EDRF1: variants seen among roughly 807,000 people sequenced by gnomAD.
The protein encoded by EDRF1 is erythroid differentiation regulatory factor 1.
Under a neutral mutation model 148.7 loss-of-function variants are expected in EDRF1, and 69 were observed. The ratio of observed to expected loss-of-function variants is 0.46; its 90% CI spans 0.38 to 0.57. The LOEUF (loss-of-function observed/expected upper bound fraction) is 0.57, where lower values mean the gene tolerates loss of function less well. Ranked by LOEUF, EDRF1 falls within the 20% of genes least tolerant of loss-of-function variation. The pLI is 0.00. For missense variants in EDRF1, 1,118 were observed against 1,478.7 expected, an observed-to-expected ratio of 0.76 and a Z score of 4.00; for synonymous variants, 515 against 532.8, an observed-to-expected ratio of 0.97 and a Z score of 0.46.
At chr10:125,720,800 G>C (rs1267833153) in intron 1 of EDRF1, among the ~76,000 whole-genome samples, 1 of 112,976 alleles carries the variant, frequency 8.9e-6, no homozygotes, top group African/African-American at 3.4e-5. Context: ...GACAAAGCAA[G>C]ACTGCGTCTC....
chr10:125,754,806 A>G (rs943633), intron 24 of EDRF1, among the ~76,000 whole-genome samples: 2 of 152,312 alleles, frequency 1.3e-5, no homozygotes, highest in African/African-American at 2.4e-5. Flanking sequence ...GGAAATGACA[A>G]CCATTTATCC....
At chr10:125,734,448 A>C (rs1190844156) in intron 12 of EDRF1, among the ~76,000 whole-genome samples, 2 of 152,196 alleles carry the variant, frequency 1.3e-5, no homozygotes, top group African/African-American at 4.8e-5. Flanking sequence ...ATTGGATTAA[A>C]TATATTTAAG....
chr10:125,725,673 T>G lies in EDRF1; in HGVS notation c.636-9T>G, dbSNP rs1470626928. ...AACAGCAATCCTTTTTTATTTCTGG[T>G]TTGGCCAGTATCAATGGTGATGGAG... On this transcript the variant is annotated splice_polypyrimidine_tract_variant and intron_variant, in intron 5 of 24. Coordinates refer to ENST00000356792, the MANE Select transcript of EDRF1 (RefSeq NM_001202438.2). 3 of 1,614,048 alleles carry G rather than the reference T, an allele frequency of 1.9e-6. No individual in the cohort carries two copies. Among genetic ancestry groups the G allele is most frequent in the Non-Finnish European group, 2.5e-6 (3 of 1,179,990 alleles).
chr10:125,730,990 G>A (rs538021137), intron 9 of EDRF1, among the ~76,000 whole-genome samples: 26 of 152,000 alleles, frequency 1.7e-4, no homozygotes, highest in African/African-American at 6.3e-4. Flanking sequence ...GAAAAACAAC[G>A]CACACACTTA....
intron 13 of EDRF1, among the ~76,000 whole-genome samples, chr10:125,736,702 T>A (rs1164825347): frequency 6.6e-6 from 1 of 151,702 alleles, no homozygotes; most frequent in Non-Finnish European, 1.5e-5. Context: ...CCATGCTGGG[T>A]TTTTTTTCTC....
Position 125,735,761 on chromosome 10 carries a change from G to A in EDRF1, c.1615G>A (p.Glu539Lys), listed in dbSNP as rs1481083081. Residue 539 changes from glutamate (E) to lysine (K), a missense_variant, in exon 13 of 25, where the codon GAG becomes AAG. Physicochemically the swap from Glu to Lys is moderately conservative, Grantham distance 56 (BLOSUM62 1). Coordinates refer to ENST00000356792, the MANE Select transcript of EDRF1 (RefSeq NM_001202438.2). ...ENSDESYSEE[E>K]EEMPDSDENG... ...TTCTGATGAAAGTTATAGTGAAGAG[G>A]AGGAAGAGATGCCCGACAGTGATGA... The A allele has an allele frequency of 6.2e-7, 1 of 1,613,850 alleles. No individual in the cohort carries two copies. Among genetic ancestry groups the A allele is most frequent in the Non-Finnish European group, 8.5e-7 (1 of 1,179,818 alleles).
intron 24 of EDRF1, among the ~76,000 whole-genome samples, chr10:125,757,677 C>T (rs771602118): frequency 5.3e-5 from 8 of 152,124 alleles, no homozygotes; most frequent in South Asian, 2.1e-4. Context: ...TTTTTTCAGT[C>T]TTGGAAGATC....
chr10:125,759,946 A>G (rs1850113291), intron 24 of EDRF1, among the ~76,000 whole-genome samples: 3 of 152,122 alleles, frequency 2.0e-5, no homozygotes, highest in South Asian at 4.1e-4. Flanking sequence ...TTCTGACCTC[A>G]TGATCCACCT....
chr10:125,744,122 C>T (rs1242450342), intron 18 of EDRF1, among the ~76,000 whole-genome samples: 1 of 151,934 alleles, frequency 6.6e-6, no homozygotes. Flanking sequence ...AATGTAAAGC[C>T]TGGACACAGG....
At chr10:125,745,612 G>A in intron 18 of EDRF1, 95 bp from the exon 19 acceptor site, 1 of 1,319,866 alleles carries the variant, frequency 7.6e-7, no homozygotes, top group East Asian at 2.4e-5. Flanking sequence ...CCACACTCCT[G>A]TCACTGCCAT....
rs754989284 is a variant in EDRF1 at position 125,730,387 on chromosome 10, T to C, written c.1116T>C (p.Asn372=). The C allele has an allele frequency of 6.2e-7, 1 of 1,613,090 alleles. No individual in the cohort carries two copies. The highest frequency in any genetic ancestry group is 8.5e-7 in the Non-Finnish European group (1 of 1,179,072). The change falls in exon 9 of 25, where the codon AAT becomes AAC. Residue 372 remains asparagine (N), a synonymous_variant. Coordinates refer to ENST00000356792, the MANE Select transcript of EDRF1 (RefSeq NM_001202438.2). ...VPELVMCFHV[N]GIVQKYEMIK... ...AGCTTGTGATGTGTTTTCATGTAAA[T>C]GGAATTGTACAGGTAAGATACAGTG...
intron 22 of EDRF1, among the ~76,000 whole-genome samples, chr10:125,751,460 G>A (rs1473767793): frequency 7.2e-6 from 1 of 138,476 alleles, no homozygotes; most frequent in Admixed American, 7.4e-5. Flanking sequence ...CCTTCCTAAT[G>A]TCTATATTGT....
At position 125,741,125 on chromosome 10, in the gene EDRF1, C is replaced by T. The variant is rs1356772051; in HGVS notation, c.2295C>T (p.His765=). 2 of 1,613,956 alleles carry T rather than the reference C, an allele frequency of 1.2e-6. No individual in the cohort carries two copies. Among genetic ancestry groups the T allele is most frequent in the Non-Finnish European group, 1.7e-6 (2 of 1,180,028 alleles). The part of the protein sequence containing the change: ...LAQNANNRAA[H]LEEFHYQTKE... The stretch of plus-strand genomic sequence containing the variant: ...AGAATGCAAATAATAGAGCAGCACA[C>T]CTTGAAGAGTTTCATTACCAAACAA... The change falls in exon 17 of 25, where the codon CAC becomes CAT. Residue 765 remains histidine, a synonymous_variant. Coordinates refer to ENST00000356792, the MANE Select transcript of EDRF1 (RefSeq NM_001202438.2).
In EDRF1 at chr10:125,721,430, G is replaced by A. The variant is rs1315810670; in HGVS notation, c.317+18G>A. The A allele has an allele frequency of 6.2e-7, 1 of 1,611,316 alleles. No homozygotes were observed. Among genetic ancestry groups the A allele is most frequent in the Admixed American group, 1.7e-5 (1 of 59,974 alleles). ...TTTTCAAGGTAAATATTAATCAGTG[G>A]CATTTTTACCTGCCCCTCCACCCTC... On this transcript the variant is annotated intron_variant, in intron 2 of 24. Transcript: ENST00000356792.
Position 125,763,013 on chromosome 10 carries a change from T to G in EDRF1, c.3546-288T>G, listed in dbSNP as rs1010713037. ...AAATTCCATAAGGCAGGGGCTTCTT[T>G]TTGCCTGTTTTGTTCTCTGTCAAGA... On this transcript the variant is annotated intron_variant, in intron 24 of 24. Coordinates refer to ENST00000356792, the MANE Select transcript of EDRF1 (RefSeq NM_001202438.2). The surrounding 1 kb of genome is among the most constrained non-coding windows in gnomAD (Gnocchi z 4.3). 6.6e-6 allele frequency among the ~76,000 whole-genome samples: 1 copy of G among 152,212 alleles called. No homozygotes were observed. Among genetic ancestry groups the G allele is most frequent in the African/African-American group, 2.4e-5 (1 of 41,458 alleles).
intron 24 of EDRF1, among the ~76,000 whole-genome samples, chr10:125,762,639 G>A (rs372933088): frequency 1.4e-4 from 22 of 152,306 alleles, no homozygotes; most frequent in East Asian, 1.4e-3. Context: ...GTAGAGTACT[G>A]TCTAGTACTC....
chr10:125,745,875 C>T lies in EDRF1; in HGVS notation c.2759C>T (p.Ala920Val), dbSNP rs2133737354. 1 of 1,614,224 alleles carries T rather than the reference C, an allele frequency of 6.2e-7. No individual in the cohort carries two copies. ...ATTTGTGCGCAGGCCCACTGTGGTG[C>T]AGGGGATGAACTGAAACGTGAATTT... ...MRICAQAHCG[A>V]GDELKREFSP... Residue 920 changes from alanine to valine, a missense_variant, in exon 19 of 25, where the codon GCA becomes GTA. Ala to Val is a moderately conservative substitution (Grantham distance 64). This residue lies in a region of EDRF1 where 954 missense variants were observed against 1,241.4 expected (regional missense o/e 0.77). Transcript: ENST00000356792.
chr10:125,727,712 A>T (rs535850614), intron 6 of EDRF1, among the ~76,000 whole-genome samples: 1 of 152,254 alleles, frequency 6.6e-6, no homozygotes, highest in Non-Finnish European at 1.5e-5. Context: ...CTACTGGCAC[A>T]CACAGATGAC....
At chr10:125,735,050 A>G (rs1393813280) in intron 12 of EDRF1, among the ~76,000 whole-genome samples, 1 of 152,106 alleles carries the variant, frequency 6.6e-6, no homozygotes, top group Non-Finnish European at 1.5e-5. Context: ...GTGGAACTTG[A>G]GTGGTTTATT....
Sources: gnomAD v4.1 joint callset for allele counts (sites outside exome capture counted in the v4.1 genomes callset) on GRCh38, gnomAD v4.1.1 for gene constraint, gnomAD v4.1.1 regional missense constraint, Gnocchi (gnomAD v3.1) non-coding constraint, MANE v1.5 for transcripts, NCBI Gene and HGNC (gene_info 2026-07-23, HGNC 2026-07-21) for gene names.